Variants in NSUN3 observed in about 807,000 individuals in gnomAD.
The protein encoded by NSUN3 is tRNA (cytosine(34)-C(5))-methyltransferase, mitochondrial.
In NSUN3, 24 loss-of-function variants were observed where a neutral mutation model predicts 36.8. The ratio of observed to expected loss-of-function variants is 0.65; its 90% confidence interval spans 0.47 to 0.92. The LOEUF is 0.92. NSUN3 is among the 40% of genes least tolerant of loss of function. The pLI is 0.00. For missense variants in NSUN3, 381 were observed against 392.8 expected (o/e 0.97, Z 0.25); for synonymous variants, 146 against 145.2 (o/e 1.01, Z -0.04).
At chr3:94,095,585 C>T (rs2077334826) in intron 5 of NSUN3, among the ~76,000 whole-genome samples, 1 of 152,096 alleles carries the variant, frequency 6.6e-6, no homozygotes, top group South Asian at 2.1e-4. Flanking sequence ...CGCTTATCTC[C>T]CCTCTGAGAA....
In NSUN3 at chr3:94,129,491, GA is replaced by G. The variant is rs2077500718; in HGVS notation, c.*3002del. On this transcript the variant is annotated 3_prime_UTR_variant, in exon 6 of 6. Transcript: ENST00000314622. ...GAACAATAGACACTGGTGACTACTA[GA>G]GTGGGGAGGGGAGGAGGGGGATGTA... Among the ~76,000 whole-genome samples the G allele has an allele frequency of 1.3e-5, 2 of 152,084 alleles. No homozygotes were observed. The highest frequency in any genetic ancestry group is 4.8e-5 in the African/African-American group (2 of 41,392).
chr3:94,110,723 G>A (rs1359863608), intron 5 of NSUN3, among the ~76,000 whole-genome samples: 2 of 151,164 alleles, frequency 1.3e-5, no homozygotes, highest in Non-Finnish European at 2.9e-5. Context: ...AAAGAGTGGA[G>A]ATATACATGT....
chr3:94,122,170 AAC>A (rs1491131909), intron 5 of NSUN3, among the ~76,000 whole-genome samples: 101 of 151,856 alleles, frequency 6.7e-4, no homozygotes, highest in African/African-American at 2.3e-3. Flanking sequence ...AAAAAAAAAA[AAC>A]AATTTAAGTG....
intron 5 of NSUN3, among the ~76,000 whole-genome samples, chr3:94,108,075 AT>A (rs35482829): frequency 6.7e-6 from 1 of 149,694 alleles, no homozygotes; most frequent in South Asian, 2.1e-4. Context: ...TCTACTCAGA[AT>A]TTTTTTTGAT....
Position 94,076,463 on chromosome 3 carries a change from T to C in NSUN3, c.123-7644T>C. On this transcript the variant is annotated intron_variant, in intron 2 of 5. Transcript: ENST00000314622. ...AGCAACTGACCCAAACAGAGACTTATGGAACAGATGCCAGGAAACATCTTC... is the reference window on the plus strand; with the variant it reads ...AGCAACTGACCCAAACAGAGACTTACGGAACAGATGCCAGGAAACATCTTC... The C allele has an allele frequency of 6.3e-6, 5 of 788,010 alleles. 1 individual carries two copies. The highest frequency in any genetic ancestry group is 4.0e-5 in the South Asian group (3 of 74,644). 48.8% of individuals were successfully genotyped at this position (788,010 alleles called of 1,614,324 possible). A position where few individuals can be genotyped will look rare whatever the true frequency, so the allele number is the denominator to read the frequency against.
In NSUN3 at chr3:94,092,505, C is replaced by CAA. The variant is rs1243838667; in HGVS notation, c.467-1632_467-1631dup. 2.0e-5 allele frequency among the ~76,000 whole-genome samples: 3 copies of CAA among 152,138 alleles called. No homozygotes were observed. In the South Asian group the frequency reaches 6.2e-4, roughly 32 times the overall value. ...ATTAGTGAGTCCTCCAAAAGACACC[C>CAA]AAAATAAACATGAAAACTAGCTGTA... On this transcript the variant is annotated intron_variant, in intron 3 of 5. Coordinates refer to ENST00000314622, the MANE Select transcript of NSUN3 (RefSeq NM_022072.5).
intron 3 of NSUN3, among the ~76,000 whole-genome samples, chr3:94,086,928 G>A (rs2077294762): frequency 6.6e-6 from 1 of 152,190 alleles, no homozygotes; most frequent in Non-Finnish European, 1.5e-5. Flanking sequence ...AAAGGGAAAT[G>A]TCAAATTTGG....
Position 94,063,310 on chromosome 3 carries a change from T to G in NSUN3, c.12+172T>G, listed in dbSNP as rs1223249991. On this transcript the variant is annotated intron_variant, in intron 1 of 5. Coordinates refer to ENST00000314622, the MANE Select transcript of NSUN3 (RefSeq NM_022072.5). ...AGCCCTGAAATAATGCTGAGTGCTG[T>G]AATGCTGAGTCCCTTCCGTCCAGCT... The G allele has an allele frequency of 3.3e-5, 23 of 697,024 alleles. No homozygotes were observed. In the East Asian group the frequency reaches 5.3e-4, roughly 16 times the overall value. The allele number at this position is 697,024 out of a possible 1,614,324, so 43.2% of individuals were successfully genotyped here. A position where few individuals can be genotyped will look rare whatever the true frequency, so the allele number is the denominator to read the frequency against.
chr3:94,107,265 G>T (rs1576096874), intron 5 of NSUN3, among the ~76,000 whole-genome samples: 1 of 151,918 alleles, frequency 6.6e-6, no homozygotes, highest in African/African-American at 2.4e-5. Context: ...ATCAAATTAG[G>T]CATATATATG....
chr3:94,116,783 TAA>T (rs2077441683), intron 5 of NSUN3, among the ~76,000 whole-genome samples: 2 of 152,162 alleles, frequency 1.3e-5, no homozygotes, highest in African/African-American at 4.8e-5. Flanking sequence ...TTGGATTTGT[TAA>T]AGAGTTAATA....
chr3:94,112,868 A>T (rs1246165112), intron 5 of NSUN3, among the ~76,000 whole-genome samples: 2 of 151,992 alleles, frequency 1.3e-5, no homozygotes, highest in East Asian at 3.9e-4. Flanking sequence ...AGAATAACAA[A>T]ACTCTTTTTT....
chr3:94,089,393 C>T (rs533035852), intron 3 of NSUN3, among the ~76,000 whole-genome samples: 1 of 152,226 alleles, frequency 6.6e-6, no homozygotes, highest in South Asian at 2.1e-4. Context: ...ATCACAGGCA[C>T]CAGGGAGAGG....
chr3:94,084,023 C>A, intron 2 of NSUN3, 84 bp from the exon 3 acceptor site: 1 of 977,646 alleles, frequency 1.0e-6, no homozygotes, highest in Non-Finnish European at 1.5e-6. Flanking sequence ...AAAACTAGGA[C>A]CACATTCACC....
At chr3:94,105,882 C>CT (rs10630411) in intron 5 of NSUN3, among the ~76,000 whole-genome samples, 76,100 of 146,850 alleles carry the variant, frequency 0.52, 20,300 homozygotes, top group African/African-American at 0.7. Context: ...GAAGGCTTTT[C>CT]TTTTTTTTTT....
chr3:94,087,677 T>C (rs1310976677), intron 3 of NSUN3, among the ~76,000 whole-genome samples: 2 of 152,170 alleles, frequency 1.3e-5, no homozygotes, highest in Admixed American at 6.5e-5. Flanking sequence ...GTGATAACTT[T>C]TTTGGTTTTT....
chr3:94,108,991 T>C (rs774963798), intron 5 of NSUN3, among the ~76,000 whole-genome samples: 5 of 152,216 alleles, frequency 3.3e-5, no homozygotes, highest in Non-Finnish European at 7.3e-5. Flanking sequence ...AAATATGTTA[T>C]AAAAATATAG....
intron 5 of NSUN3, among the ~76,000 whole-genome samples, chr3:94,119,672 C>T (rs1004484706): frequency 1.8e-4 from 27 of 152,092 alleles, no homozygotes; most frequent in African/African-American, 6.0e-4. Context: ...AGCTATAAAC[C>T]CTAGGAGTGA....
intron 5 of NSUN3, among the ~76,000 whole-genome samples, chr3:94,096,075 C>G (rs917523629): frequency 1.3e-5 from 2 of 151,934 alleles, no homozygotes; most frequent in African/African-American, 4.8e-5. Flanking sequence ...GCAAAATTAT[C>G]TATAATATTT....
chr3:94,078,426 G>A (rs1473864102), intron 2 of NSUN3, among the ~76,000 whole-genome samples: 1 of 152,178 alleles, frequency 6.6e-6, no homozygotes, highest in African/African-American at 2.4e-5. Context: ...GATTTTGGGT[G>A]GAGAGTTCTG....
Sources: allele counts gnomAD v4.1 joint callset (sites outside exome capture counted in the v4.1 genomes callset), GRCh38; gene constraint gnomAD v4.1.1; transcripts MANE v1.5; gene names NCBI Gene and HGNC (gene_info 2026-07-23, HGNC 2026-07-21).